The following ADSS1 variants were observed in gnomAD, a reference collection of about 807,000 sequenced individuals.
The protein encoded by ADSS1 is adenylosuccinate synthase 1, also known as adenylosuccinate synthetase isozyme 1.
ADSS1 carries 57 observed loss-of-function variants against 59.1 expected under a neutral mutation model. The ratio of observed to expected loss-of-function variants is 0.97; its 90% CI spans 0.78 to 1.20. ADSS1 has a LOEUF of 1.20. Ranked by LOEUF, ADSS1 falls within the 50% of genes most tolerant of loss-of-function variation. The probability of loss-of-function intolerance (pLI) is 0.00; values close to 1 mark genes in which losing one functional copy is unlikely to be tolerated. For synonymous variants in ADSS1, 247 were observed against 249.4 expected (o/e 0.99, Z 0.09); for missense variants, 603 against 610.3 (o/e 0.99, Z 0.13).
At chr14:104,745,611 C>T (rs564431036) in intron 11 of ADSS1, 1 of 152,960 alleles carries the variant, frequency 6.5e-6, no homozygotes, top group African/African-American at 2.4e-5. Flanking sequence ...CATGTGTGTC[C>T]TTGCAGGCGG....
intron 1 of ADSS1, among the ~76,000 whole-genome samples, chr14:104,725,728 G>A (rs1479797786): frequency 6.6e-6 from 1 of 152,188 alleles, no homozygotes; most frequent in Non-Finnish European, 1.5e-5. Flanking sequence ...CCGCCAGGGG[G>A]CATGTCCAGC....
chr14:104,744,663 A>T (rs2140828048), intron 10 of ADSS1, 149 bp from the exon 11 acceptor site: 1 of 661,092 alleles, frequency 1.5e-6, no homozygotes. Flanking sequence ...GCCCAATTCC[A>T]AACAGGCCAC....
At chr14:104,732,724 C>T (rs963999602) in intron 1 of ADSS1, among the ~76,000 whole-genome samples, 2 of 152,216 alleles carry the variant, frequency 1.3e-5, no homozygotes, top group African/African-American at 4.8e-5. Context: ...CCCCCCCGCC[C>T]AGGCGGGGCT....
In ADSS1 at chr14:104,744,859, A is replaced by C; in HGVS notation, c.1121A>C (p.Lys374Thr). Residue 374 changes from lysine (K) to threonine (T), a missense_variant, in exon 11 of 13, where the codon AAA (lysine) becomes ACA (threonine). Lys to Thr is a moderately conservative substitution (Grantham distance 78, BLOSUM62 -1). Transcript: ENST00000330877. ...ATCCTGGACGTACTGGGTGAGGTTA[A>C]AGTCGGTGTCTCATACAAGCTGAAC... ...LDILDVLGEV[K>T]VGVSYKLNGK... 6.2e-7 allele frequency: 1 copy of C among 1,614,178 alleles called. No individual in the cohort carries two copies. The highest frequency in any genetic ancestry group is 1.1e-5 in the South Asian group (1 of 91,086).
At chr14:104,727,942 C>A (rs1209348756) in intron 1 of ADSS1, among the ~76,000 whole-genome samples, 1 of 152,222 alleles carries the variant, frequency 6.6e-6, no homozygotes, top group African/African-American at 2.4e-5. Flanking sequence ...GCTGAAGGGG[C>A]CTGCCCTGGG....
At chr14:104,733,562 A>G (rs1404231665) in intron 1 of ADSS1, among the ~76,000 whole-genome samples, 1 of 152,120 alleles carries the variant, frequency 6.6e-6, no homozygotes, top group East Asian at 1.9e-4. Flanking sequence ...AGGCGGGGAA[A>G]GGCTATGTGA....
At chr14:104,724,858 A>G (rs770709810) in intron 1 of ADSS1, among the ~76,000 whole-genome samples, 1 of 151,888 alleles carries the variant, frequency 6.6e-6, no homozygotes, top group South Asian at 2.1e-4. Context: ...CCCCTTCCTC[A>G]TTTACAGTGA....
At chr14:104,745,361 G>T (rs1891517446) in intron 11 of ADSS1, 1 of 162,218 alleles carries the variant, frequency 6.2e-6, no homozygotes, top group Admixed American at 6.0e-5. Context: ...ACCTAACCGG[G>T]ATCCCTGCTC....
intron 1 of ADSS1, among the ~76,000 whole-genome samples, chr14:104,727,449 C>T (rs1890746827): frequency 1.3e-5 from 2 of 152,210 alleles, no homozygotes; most frequent in Middle Eastern, 3.4e-3. Flanking sequence ...TGGCTGCTTC[C>T]AAGCCTCTCT....
Position 104,740,990 on chromosome 14 carries a change from G to A in ADSS1, c.666+70G>A. ...AGGGAGGCTGGATGTCCTACCTGGT[G>A]CTCGTTGAACACCCTTGGGGCACAC... On this transcript the variant is annotated intron_variant, in intron 7 of 12. Transcript: ENST00000330877. This position sits in a 1 kb window ranked among gnomAD's most constrained non-coding sequence, Gnocchi z 4.8. The A allele has an allele frequency of 6.2e-7, 1 of 1,610,602 alleles. No homozygotes were observed. Among genetic ancestry groups the A allele is most frequent in the South Asian group, 1.1e-5 (1 of 90,962 alleles).
At chr14:104,734,968 G>T (rs79940581) in intron 1 of ADSS1, 52 bp from the exon 2 acceptor site, 1 of 1,513,666 alleles carries the variant, frequency 6.6e-7, no homozygotes, top group African/African-American at 1.4e-5. Flanking sequence ...GTCCATGTCC[G>T]GGGGGTCCTC....
intron 2 of ADSS1, 177 bp from the exon 3 acceptor site, chr14:104,738,199 T>C (rs1419235252): frequency 1.0e-5 from 5 of 497,126 alleles, no homozygotes; most frequent in African/African-American, 2.0e-5. Context: ...GGTTTCACCA[T>C]GTGGGCCAGG....
In ADSS1 at chr14:104,739,312, T is replaced by C. The variant is rs762021708; in HGVS notation, c.359-16T>C. On this transcript the variant is annotated splice_polypyrimidine_tract_variant and intron_variant, in intron 3 of 12. Coordinates refer to ENST00000330877, the MANE Select transcript of ADSS1 (RefSeq NM_152328.5). ...ACCTGTGAACACTGACCCACCTGTG[T>C]GCCGTGTCCCCGCAGGCCTGAAGGA... 2.5e-6 allele frequency: 4 copies of C among 1,605,600 alleles called. No homozygotes were observed. Among genetic ancestry groups the C allele is most frequent in the Admixed American group, 3.4e-5 (2 of 58,888 alleles).
chr14:104,741,119 C>A lies in ADSS1; in HGVS notation c.669C>A (p.Gly223=). The A allele has an allele frequency of 6.3e-7, 1 of 1,599,342 alleles. No individual in the cohort carries two copies. ...TGCTGCTTGGCCCTTCCTTGCAGGGCTTTGCTGAGCGGATCAGACCCATGG... is the reference window on the plus strand; with the variant it reads ...TGCTGCTTGGCCCTTCCTTGCAGGGATTTGCTGAGCGGATCAGACCCATGG... ...DIEGQLKRLK[G]FAERIRPMVR... Residue 223 remains glycine, a splice_region_variant and synonymous_variant, in exon 8 of 13, where the codon GGC becomes GGA. Transcript: ENST00000330877.
intron 5 of ADSS1, among the ~76,000 whole-genome samples, 166 bp downstream of exon 5, chr14:104,739,982 C>T (rs569975694): frequency 3.3e-5 from 5 of 152,242 alleles, no homozygotes; most frequent in South Asian, 2.1e-4. Context: ...ACCCAACCCC[C>T]GGACGAGCCA....
In ADSS1 at chr14:104,746,100, C is replaced by A. The variant is rs1258020458; in HGVS notation, c.1172-136C>A. On this transcript the variant is annotated intron_variant, in intron 11 of 12. Transcript: ENST00000330877. ...TGAGAAAATCAAACTGGGCCACGTG[C>A]CCACTTGCTGCCTTCCTTGCAGCTG... 15 of 1,177,464 alleles carry A rather than the reference C, an allele frequency of 1.3e-5. No individual in the cohort carries two copies. The South Asian group carries it at 2.2e-4, about 17-fold the overall frequency. The allele number at this position is 1,177,464 out of a possible 1,614,324, so 72.9% of individuals were successfully genotyped here.
Position 104,729,941 on chromosome 14 carries a change from C to T in ADSS1, c.193-5079C>T, listed in dbSNP as rs1415601575. Reference sequence around the variant, plus strand: ...GGCAACCCAGAGGCAAGGAGGTGGGCAGAGGCCCACGAACCTGGCCCTGAC... The same window carrying T: ...GGCAACCCAGAGGCAAGGAGGTGGGTAGAGGCCCACGAACCTGGCCCTGAC... On this transcript the variant is annotated intron_variant, in intron 1 of 12. Transcript: ENST00000330877. 7.6e-6 allele frequency: 12 copies of T among 1,568,806 alleles called. No homozygotes were observed. Among genetic ancestry groups the T allele is most frequent in the Non-Finnish European group, 1.0e-5 (12 of 1,157,046 alleles).
chr14:104,732,116 G>A (rs1400452067), intron 1 of ADSS1, among the ~76,000 whole-genome samples: 2 of 152,182 alleles, frequency 1.3e-5, no homozygotes. Context: ...GGCTGGCCCT[G>A]ATGTTTGGTC....
At chr14:104,738,555 A>G in intron 3 of ADSS1, 117 bp downstream of exon 3, 1 of 1,186,890 alleles carries the variant, frequency 8.4e-7, no homozygotes, top group South Asian at 1.4e-5. Flanking sequence ...GTGGGTTCCC[A>G]ACATAGCTGG....
Sources: allele counts gnomAD v4.1 joint callset (sites outside exome capture counted in the v4.1 genomes callset), GRCh38; gene constraint gnomAD v4.1.1; non-coding constraint Gnocchi (gnomAD v3.1); transcripts MANE v1.5; gene names NCBI Gene and HGNC (gene_info 2026-07-23, HGNC 2026-07-21).